Variants in ABAT observed in about 807,000 individuals in gnomAD.
The protein encoded by ABAT is 4-aminobutyrate aminotransferase.
In ABAT, 45 loss-of-function variants were observed where a neutral mutation model predicts 64.6. The ratio of observed to expected loss-of-function variants is 0.70; its 90% CI spans 0.55 to 0.89. The LOEUF (loss-of-function observed/expected upper bound fraction) is 0.89, where lower values mean the gene tolerates loss of function less well. Ranked by LOEUF, ABAT falls within the 40% of genes least tolerant of loss-of-function variation. The pLI is 0.00. For missense variants in ABAT, 633 were observed against 658.4 expected, an observed-to-expected ratio of 0.96 and a Z score of 0.42; for synonymous variants, 297 against 250.5, an observed-to-expected ratio of 1.19 and a Z score of -1.75.
In ABAT at chr16:8,750,697, G is replaced by T. The variant is rs75772825; in HGVS notation, c.316+158G>T. ...GGAAAAAAATAAATAATGTGTAAAG[G>T]GTATATTATTAGACATATTATATGT... On this transcript the variant is annotated intron_variant, in intron 5 of 15. Coordinates refer to ENST00000268251, the MANE Select transcript of ABAT (RefSeq NM_020686.6). Among the ~76,000 whole-genome samples, 4,702 of 151,994 alleles carry T rather than the reference G, an allele frequency of 0.031. 224 individuals carry two copies. Among genetic ancestry groups the T allele is most frequent in the African/African-American group, 0.11 (4,350 of 41,420 alleles).
chr16:8,768,548 A>G (rs1031088710), intron 10 of ABAT, among the ~76,000 whole-genome samples: 13 of 152,166 alleles, frequency 8.5e-5, no homozygotes, highest in African/African-American at 4.8e-5. Flanking sequence ...ATACCCACGC[A>G]CGCATGCCAA....
At chr16:8,757,973 C>T (rs887332975) in intron 6 of ABAT, among the ~76,000 whole-genome samples, 167 bp downstream of exon 6, 13 of 152,118 alleles carry the variant, frequency 8.5e-5, no homozygotes, top group African/African-American at 2.4e-4. Context: ...TGAATGAAAA[C>T]GCAGTGCCGA....
In ABAT at chr16:8,701,625, T is replaced by G. The variant is rs2057824473; in HGVS notation, c.-42+26914T>G. 2.0e-5 allele frequency among the ~76,000 whole-genome samples: 3 copies of G among 152,362 alleles called. No individual in the cohort carries two copies. The South Asian group carries it at 6.2e-4, about 32-fold the overall frequency. ...TGGTTACTGCATTATTCCCCAAACC[T>G]TAATGATCAATAAACATGGAGCTCT... On this transcript the variant is annotated intron_variant, in intron 1 of 15. Coordinates refer to ENST00000268251, the MANE Select transcript of ABAT (RefSeq NM_020686.6).
At position 8,748,080 on chromosome 16, in the gene ABAT, A is replaced by G. The variant is rs781201996; in HGVS notation, c.169-28A>G. ...ATTTTGGCAAGAGTGTGGACTTGCT[A>G]TAATGCTTTTGTTGTTCTTGCCTGC... On this transcript the variant is annotated intron_variant, in intron 3 of 15. Transcript: ENST00000268251. 7 of 1,611,202 alleles carry G rather than the reference A, an allele frequency of 4.3e-6. No individual in the cohort carries two copies. The South Asian group carries it at 5.5e-5, about 13-fold the overall frequency.
In ABAT at chr16:8,764,598, C is replaced by G; in HGVS notation, c.448-140C>G. The G allele has an allele frequency of 1.2e-6, 1 of 831,996 alleles. No homozygotes were observed. The highest frequency in any genetic ancestry group is 2.0e-6 in the Non-Finnish European group (1 of 500,570). The allele number at this position is 831,996 out of a possible 1,614,324, so 51.5% of individuals were successfully genotyped here. A position where few individuals can be genotyped will look rare whatever the true frequency, so the allele number is the denominator to read the frequency against. On this transcript the variant is annotated intron_variant, in intron 7 of 15. Coordinates refer to ENST00000268251, the MANE Select transcript of ABAT (RefSeq NM_020686.6). The surrounding 1 kb of genome is among the most constrained non-coding windows in gnomAD (Gnocchi z 4.2). The stretch of plus-strand genomic sequence containing the variant: ...CCCTGGAAAAGCCTGAGCCCACCCT[C>G]CCAGTCCGACACCTTCCAGGACAGC...
chr16:8,733,068 CG>C lies in ABAT; in HGVS notation c.-41-2625del, dbSNP rs1283418275. Among the ~76,000 whole-genome samples the C allele has an allele frequency of 3.5e-5, 5 of 144,494 alleles. No individual in the cohort carries two copies. In the East Asian group the frequency reaches 1.0e-3, roughly 29 times the overall value. 94.8% of individuals were successfully genotyped at this position (144,494 alleles called of 152,430 possible). The stretch of plus-strand genomic sequence containing the variant: ...CTCCCGGATGGGGCGGCTGGCCGGG[CG>C]GGGGGCTGACCCCCCCACCTCCCTC... On this transcript the variant is annotated intron_variant, in intron 1 of 15. Coordinates refer to ENST00000268251, the MANE Select transcript of ABAT (RefSeq NM_020686.6).
chr16:8,738,616 G>GTTTTTTT lies in ABAT; in HGVS notation c.70+2812_70+2813insTTTTTTT, dbSNP rs772511380. Among the ~76,000 whole-genome samples the GTTTTTTT allele has an allele frequency of 3.3e-4, 39 of 117,628 alleles. 9 individuals are homozygous for GTTTTTTT. The highest frequency in any genetic ancestry group is 4.9e-4 in the Admixed American group (6 of 12,370). The allele number at this position is 117,628 out of a possible 152,430, so 77.2% of individuals were successfully genotyped here. On this transcript the variant is annotated intron_variant, in intron 2 of 15. Coordinates refer to ENST00000268251, the MANE Select transcript of ABAT (RefSeq NM_020686.6). ...TTTTTTCTTTTTTGTTTTTGTTTTT[G>GTTTTTTT]TTTTTGTTTTTGTTTTTTTTTTGGT...
Position 8,746,048 on chromosome 16 carries a change from G to T in ABAT, c.118G>T (p.Asp40Tyr). ...TGCAGCCAAAGTCGACGTTGAATTT[G>T]ATTATGATGGGCCTCTGATGAAGAC... ...QAAAKVDVEF[D>Y]YDGPLMKTEV... Residue 40 changes from aspartate (D) to tyrosine (Y), a missense_variant, in exon 3 of 16, where the codon GAT (aspartate) becomes TAT (tyrosine). Asp to Tyr is a radical substitution (Grantham distance 160, BLOSUM62 -3). Transcript: ENST00000268251. 1 of 1,614,034 alleles carries T rather than the reference G, an allele frequency of 6.2e-7. No homozygotes were observed. Among genetic ancestry groups the T allele is most frequent in the Non-Finnish European group, 8.5e-7 (1 of 1,179,996 alleles).
chr16:8,755,784 T>G (rs537823157), intron 5 of ABAT, among the ~76,000 whole-genome samples: 164 of 152,180 alleles, frequency 1.1e-3, no homozygotes, highest in African/African-American at 3.8e-3. Context: ...GTACGGTGAC[T>G]ACCGCCTGTA....
chr16:8,688,731 G>T (rs1596399971), intron 1 of ABAT, among the ~76,000 whole-genome samples: 2 of 152,112 alleles, frequency 1.3e-5, no homozygotes, highest in South Asian at 2.1e-4. Context: ...GGGATTACAG[G>T]CATGAGCCAC....
chr16:8,746,171 A>G, intron 3 of ABAT, 73 bp downstream of exon 3: 1 of 1,088,000 alleles, frequency 9.2e-7, no homozygotes, highest in Non-Finnish European at 1.4e-6. Flanking sequence ...AGCACAGCCA[A>G]GCTTAGGGAC....
chr16:8,750,625 C>T, intron 5 of ABAT, 86 bp downstream of exon 5: 1 of 1,196,488 alleles, frequency 8.4e-7, no homozygotes, highest in South Asian at 1.2e-5. Context: ...GATGTGGCTT[C>T]CAGCAGGCAC....
chr16:8,707,191 T>C (rs1379843457), intron 1 of ABAT, among the ~76,000 whole-genome samples: 1 of 151,894 alleles, frequency 6.6e-6, no homozygotes, highest in Non-Finnish European at 1.5e-5. Flanking sequence ...AATCACTTTT[T>C]TTGTTGTTTT....
intron 6 of ABAT, among the ~76,000 whole-genome samples, chr16:8,758,755 T>A (rs1273429): frequency 0.42 from 63,129 of 151,978 alleles, 13,437 homozygotes; most frequent in African/African-American, 0.52. Context: ...CTGCAATACA[T>A]GACACCTGTC....
chr16:8,740,836 A>G (rs528315458), intron 2 of ABAT, among the ~76,000 whole-genome samples: 2 of 152,342 alleles, frequency 1.3e-5, no homozygotes, highest in East Asian at 3.9e-4. Context: ...ATCTTCCTCA[A>G]TAAACATTTT....
intron 1 of ABAT, among the ~76,000 whole-genome samples, chr16:8,708,244 GT>G (rs1022694508): frequency 1.1e-4 from 17 of 152,138 alleles, no homozygotes; most frequent in African/African-American, 4.1e-4. Context: ...TTCAGAGTTA[GT>G]TGCAGACTTT....
At chr16:8,732,566 G>A (rs1259709113) in intron 1 of ABAT, among the ~76,000 whole-genome samples, 2 of 151,646 alleles carry the variant, frequency 1.3e-5, no homozygotes, top group Admixed American at 1.3e-4. Flanking sequence ...AGGATCCCAA[G>A]GCAGAAGAAG....
rs1006228954 is a variant in ABAT, at chr16:8,733,691, T to G, written c.-41-2008T>G. Among the ~76,000 whole-genome samples, 17 of 151,682 alleles carry G rather than the reference T, an allele frequency of 1.1e-4. 1 individual carries two copies. The highest frequency in any genetic ancestry group is 2.1e-4 in the South Asian group (1 of 4,816). ...CCAAAACCAGTCAGGCGTGGCGGCGTGAGGCTGCAATCGCAGGCACTCGGC... is the reference window on the plus strand; with the variant it reads ...CCAAAACCAGTCAGGCGTGGCGGCGGGAGGCTGCAATCGCAGGCACTCGGC... On this transcript the variant is annotated intron_variant, in intron 1 of 15. Coordinates refer to ENST00000268251, the MANE Select transcript of ABAT (RefSeq NM_020686.6).
Position 8,776,557 on chromosome 16 carries a change from C to A in ABAT, c.1269+67C>A, listed in dbSNP as rs2060269308. On this transcript the variant is annotated intron_variant, in intron 14 of 15. Transcript: ENST00000268251. The surrounding 1 kb of genome is among the most constrained non-coding windows in gnomAD (Gnocchi z 4.4). ...CCCCGCAGCAGCCTCCGGGGCAACA[C>A]TGGAGCTCTTCGGCATGGTGTTGTG... is the stretch of plus-strand genomic sequence containing the variant. 2.0e-6 allele frequency: 3 copies of A among 1,475,586 alleles called. No homozygotes were observed. The highest frequency in any genetic ancestry group is 1.4e-5 in the African/African-American group (1 of 71,770). The allele number at this position is 1,475,586 out of a possible 1,614,324, so 91.4% of individuals were successfully genotyped here.
Sources: allele counts gnomAD v4.1 joint callset (sites outside exome capture counted in the v4.1 genomes callset), GRCh38; gene constraint gnomAD v4.1.1; non-coding constraint Gnocchi (gnomAD v3.1); transcripts MANE v1.5; gene names NCBI Gene and HGNC (gene_info 2026-07-23, HGNC 2026-07-21).